The following TRIP12 variants were observed in gnomAD, a reference collection of about 807,000 sequenced individuals.
The protein encoded by TRIP12 is E3 ubiquitin-protein ligase TRIP12.
Under a neutral mutation model 244.2 loss-of-function variants are expected in TRIP12, and 25 were observed. That is an observed-to-expected ratio of 0.10 (90% CI 0.07 to 0.14). The LOEUF is 0.14. TRIP12 is among the 10% of genes least tolerant of loss of function. The pLI, the probability that TRIP12 is intolerant of heterozygous loss-of-function variation, is 1.00. For missense variants in TRIP12, 1,677 were observed against 2,486.4 expected (o/e 0.67, Z 6.92); for synonymous variants, 905 against 873.1 (o/e 1.04, Z -0.64).
intron 33 of TRIP12, among the ~76,000 whole-genome samples, chr2:229,786,564 A>ATTTTTTTT (rs34969936): frequency 9.0e-5 from 7 of 78,008 alleles, no homozygotes; most frequent in Non-Finnish European, 1.1e-4. Flanking sequence ...CGCCCAGATA[A>ATTTTTTTT]TTTTTTTTTT....
intron 2 of TRIP12, among the ~76,000 whole-genome samples, chr2:229,862,986 T>C (rs553443579): frequency 3.4e-4 from 52 of 152,194 alleles, no homozygotes; most frequent in Non-Finnish European, 4.7e-4. Flanking sequence ...TCCCAGCACT[T>C]TGGGAGACAG....
chr2:229,887,973 C>A (rs796180923), intron 1 of TRIP12, among the ~76,000 whole-genome samples: 1 of 152,142 alleles, frequency 6.6e-6, no homozygotes, highest in Non-Finnish European at 1.5e-5. Flanking sequence ...TATCAGTAAT[C>A]TCATTCTAAA....
rs575212080 is a variant in TRIP12, at chr2:229,783,978, C to T, written c.5094+1779G>A. Among the ~76,000 whole-genome samples the T allele has an allele frequency of 1.1e-3, 168 of 151,740 alleles. 1 individual carries two copies. The highest frequency in any genetic ancestry group is 3.4e-3 in the Middle Eastern group (1 of 294). On this transcript the variant is annotated intron_variant, in intron 34 of 41. Transcript: ENST00000675903. ...ATACAAAATTAGCTGGGCGTGGTGG[C>T]GCATGCCTGTAATCCCAGCTACTCT...
At chr2:229,892,845 G>A (rs917232970) in intron 1 of TRIP12, among the ~76,000 whole-genome samples, 2 of 152,044 alleles carry the variant, frequency 1.3e-5, no homozygotes, top group Non-Finnish European at 1.5e-5. Context: ...CAGCCTGGGT[G>A]ACAGAGTGAG....
At chr2:229,867,069 T>A (rs1022628201) in intron 2 of TRIP12, among the ~76,000 whole-genome samples, 26 of 149,614 alleles carry the variant, frequency 1.7e-4, no homozygotes, top group Non-Finnish European at 3.7e-4. Context: ...ATAAGCAAAG[T>A]ATATATATAT....
chr2:229,818,516 T>G lies in TRIP12; in HGVS notation c.1451-4A>C, dbSNP rs745831141. 3 of 1,609,986 alleles carry G rather than the reference T, an allele frequency of 1.9e-6. No homozygotes were observed. The highest frequency in any genetic ancestry group is 2.5e-6 in the Non-Finnish European group (3 of 1,178,710). On this transcript the variant is annotated splice_polypyrimidine_tract_variant and splice_region_variant and intron_variant, in intron 8 of 41. Transcript: ENST00000675903. ...AGTAGCTGCTGGGCCTTAGAACCTT[T>G]AGAGAAAAAAATAATTATTATCTTT...
intron 4 of TRIP12, among the ~76,000 whole-genome samples, chr2:229,848,482 A>G (rs1168778399): frequency 6.6e-6 from 1 of 152,066 alleles, no homozygotes; most frequent in Non-Finnish European, 1.5e-5. Context: ...CATGGCAAAC[A>G]TGGGGGAAAA....
At chr2:229,857,926 G>A (rs765518298) in intron 4 of TRIP12, among the ~76,000 whole-genome samples, 6 of 152,168 alleles carry the variant, frequency 3.9e-5, no homozygotes, top group Non-Finnish European at 8.8e-5. Flanking sequence ...TAAGAGTAGT[G>A]AAACATAAGT....
intron 1 of TRIP12, among the ~76,000 whole-genome samples, chr2:229,890,472 C>T (rs1576723499): frequency 6.6e-6 from 1 of 152,148 alleles, no homozygotes; most frequent in East Asian, 1.9e-4. Context: ...AATATTTTAA[C>T]GTTGTGATAA....
chr2:229,863,162 G>A (rs1032129040), intron 2 of TRIP12, among the ~76,000 whole-genome samples: 8 of 151,378 alleles, frequency 5.3e-5, no homozygotes, highest in African/African-American at 1.5e-4. Flanking sequence ...CCAGGAGGCG[G>A]AGGTTGCAGT....
chr2:229,821,736 T>C (rs536018987), intron 8 of TRIP12, among the ~76,000 whole-genome samples: 1 of 152,284 alleles, frequency 6.6e-6, no homozygotes, highest in African/African-American at 2.4e-5. Flanking sequence ...AGTTTGCTAA[T>C]TTCTGATAGG....
chr2:229,870,891 C>T lies in TRIP12; in HGVS notation c.98+9091G>A, dbSNP rs989741142. Among the ~76,000 whole-genome samples, 31 of 152,164 alleles carry T rather than the reference C, an allele frequency of 2.0e-4. 1 individual carries two copies. In the East Asian group the frequency reaches 3.3e-3, roughly 16 times the overall value. On this transcript the variant is annotated intron_variant, in intron 2 of 41. Transcript: ENST00000675903. ...TATTTCACTAGAAAACATCCTAATC[C>T]GGCTAGACACGGTGGCTCACACCTG...
At chr2:229,773,530 A>T (rs2035233894) in intron 38 of TRIP12, 1 of 152,184 alleles carries the variant, frequency 6.6e-6, no homozygotes, top group Admixed American at 6.6e-5. Context: ...CTACAGACTC[A>T]TGACACCACA....
chr2:229,830,764 C>T lies in TRIP12; in HGVS notation c.1346G>A (p.Arg449His), dbSNP rs2053140620. ...TCAATAACTGTTTTTACCTTGCAAA[C>T]GTCCCATCTCGGAATCATCTGATTC... is the stretch of plus-strand genomic sequence containing the variant. ...ESESDDSEMG[R>H]LQALLEARGL... The change falls in exon 7 of 42, where the codon CGT (arginine) becomes CAT (histidine). Residue 449 changes from arginine (R) to histidine (H), a missense_variant. This residue lies in a region of TRIP12 where 143 missense variants were observed against 215.6 expected (regional missense o/e 0.66). Transcript: ENST00000675903. 1.2e-6 allele frequency: 2 copies of T among 1,613,960 alleles called. No homozygotes were observed. The highest frequency in any genetic ancestry group is 1.7e-6 in the Non-Finnish European group (2 of 1,179,902).
intron 1 of TRIP12, among the ~76,000 whole-genome samples, chr2:229,902,523 A>G (rs1405355533): frequency 6.6e-6 from 1 of 152,250 alleles, no homozygotes; most frequent in Non-Finnish European, 1.5e-5. Flanking sequence ...CAGATACCTC[A>G]AACTATCCTT....
intron 4 of TRIP12, among the ~76,000 whole-genome samples, chr2:229,849,442 A>C (rs1575961047): frequency 1.3e-5 from 2 of 152,266 alleles, no homozygotes; most frequent in South Asian, 4.1e-4. Flanking sequence ...AACAGGGATC[A>C]AACACTTGGG....
intron 11 of TRIP12, among the ~76,000 whole-genome samples, 185 bp downstream of exon 11, chr2:229,814,914 A>T (rs1272518204): frequency 2.0e-5 from 3 of 152,226 alleles, no homozygotes; most frequent in East Asian, 3.8e-4. Flanking sequence ...ATTACTAAAA[A>T]TTACAAAACT....
At chr2:229,807,532 G>C in intron 17 of TRIP12, 176 bp downstream of exon 17, 1 of 743,750 alleles carries the variant, frequency 1.3e-6, no homozygotes, top group Non-Finnish European at 2.3e-6. Context: ...ACTAGAACAT[G>C]AAGTTTTCTG....
At chr2:229,817,387 G>A (rs200549008) in intron 9 of TRIP12, among the ~76,000 whole-genome samples, 2 of 151,898 alleles carry the variant, frequency 1.3e-5, no homozygotes, top group East Asian at 3.9e-4. Context: ...CTTTAATTTT[G>A]GACAAAGAAA....
Sources: allele counts gnomAD v4.1 joint callset (sites outside exome capture counted in the v4.1 genomes callset), GRCh38; gene constraint gnomAD v4.1.1; regional missense constraint gnomAD v4.1.1; transcripts MANE v1.5; gene names NCBI Gene and HGNC (gene_info 2026-07-23, HGNC 2026-07-21).